Variants in DAB1 observed in about 807,000 individuals in gnomAD.
The protein encoded by DAB1 is DAB adaptor protein 1.
DAB1 carries 15 observed loss-of-function variants against 64.6 expected under a neutral mutation model. The ratio of observed to expected loss-of-function variants is 0.23; its 90% CI spans 0.16 to 0.36. The LOEUF is 0.36. Among genes scored for constraint, DAB1 ranks in the 10% least tolerant of loss-of-function variants. DAB1 has a pLI of 1.00. For synonymous variants in DAB1, 235 were observed against 251.9 expected (o/e 0.93, Z 0.64); for missense variants, 596 against 706.7 (o/e 0.84, Z 1.78).
At chr1:57,815,747 G>A (rs2144756) in intron 6 of DAB1, among the ~76,000 whole-genome samples, 2 of 151,638 alleles carry the variant, frequency 1.3e-5, no homozygotes, top group Non-Finnish European at 2.9e-5. Flanking sequence ...CTTATTGTCA[G>A]CATGCTACCT....
At chr1:58,257,005 A>G (rs1253705696) in intron 4 of DAB1, among the ~76,000 whole-genome samples, 1 of 152,200 alleles carries the variant, frequency 6.6e-6, no homozygotes, top group African/African-American at 2.4e-5. Flanking sequence ...AAGGGGATTT[A>G]TGTCTTGTTT....
chr1:57,479,099 A>C (rs944965983), intron 7 of DAB1, among the ~76,000 whole-genome samples: 7 of 152,268 alleles, frequency 4.6e-5, no homozygotes, highest in South Asian at 2.1e-4. Context: ...CAAAAAAAAA[A>C]CTTTTCTTTT....
chr1:57,442,905 C>T (rs1686007666), intron 7 of DAB1, among the ~76,000 whole-genome samples: 1 of 152,182 alleles, frequency 6.6e-6, no homozygotes, highest in African/African-American at 2.4e-5. Flanking sequence ...ATTCTGATAG[C>T]AGAAGGAAGG....
chr1:58,096,306 A>G (rs1327229729), intron 5 of DAB1, among the ~76,000 whole-genome samples: 1 of 152,168 alleles, frequency 6.6e-6, no homozygotes, highest in Non-Finnish European at 1.5e-5. Flanking sequence ...GATAATTTCT[A>G]ATGTGTTTCA....
At chr1:57,632,458 G>A in intron 7 of DAB1, among the ~76,000 whole-genome samples, 1 of 152,204 alleles carries the variant, frequency 6.6e-6, no homozygotes, top group East Asian at 1.9e-4. Context: ...TAGAAGCAGA[G>A]AGGAAAGTGG....
chr1:57,590,755 C>T (rs1645436652), intron 7 of DAB1, among the ~76,000 whole-genome samples: 1 of 151,132 alleles, frequency 6.6e-6, no homozygotes, highest in Admixed American at 6.6e-5. Flanking sequence ...CACACACACA[C>T]ACACACACAC....
chr1:58,352,445 T>C (rs957743050), intron 3 of DAB1, among the ~76,000 whole-genome samples: 1 of 152,198 alleles, frequency 6.6e-6, no homozygotes, highest in East Asian at 1.9e-4. Flanking sequence ...TCTAAGTACA[T>C]AGCCATCCGG....
chr1:57,883,857 A>G (rs1281438984), intron 1 of DAB1: 1 of 152,216 alleles, frequency 6.6e-6, no homozygotes, highest in East Asian at 1.9e-4. Context: ...TTGGGTTATT[A>G]ACTACAGAGA....
At chr1:58,343,691 T>C (rs1219294997) in intron 3 of DAB1, among the ~76,000 whole-genome samples, 2 of 152,240 alleles carry the variant, frequency 1.3e-5, no homozygotes, top group Non-Finnish European at 2.9e-5. Flanking sequence ...ACTTAACCTC[T>C]CTAATCTATT....
At position 57,026,161 on chromosome 1, in the gene DAB1, ACCGTAAT is replaced by A. The variant is rs1467784498; in HGVS notation, c.724-125_724-119del. ...TCTGTTTTTCATCATCTCTAGATAA[ACCGTAAT>A]CCTGATGGGTCATTACTATACCTCA... On this transcript the variant is annotated intron_variant, in intron 9 of 14. Transcript: ENST00000371236. 5.3e-5 allele frequency: 39 copies of A among 732,698 alleles called. 1 individual carries two copies. In the South Asian group the frequency reaches 6.0e-4, roughly 11 times the overall value. 45.4% of individuals were successfully genotyped at this position (732,698 alleles called of 1,614,324 possible).
At chr1:58,128,174 T>C (rs372984054) in intron 5 of DAB1, among the ~76,000 whole-genome samples, 25 of 152,214 alleles carry the variant, frequency 1.6e-4, no homozygotes, top group East Asian at 1.5e-3. Flanking sequence ...AGGTCCTTCA[T>C]ATCCCTTGTA....
chr1:57,501,003 T>C (rs188831224), intron 7 of DAB1, among the ~76,000 whole-genome samples: 14 of 152,360 alleles, frequency 9.2e-5, no homozygotes, highest in African/African-American at 2.6e-4. Context: ...TAAGGTAGAT[T>C]AACAGCTACA....
At chr1:57,766,176 C>G (rs953710391) in intron 6 of DAB1, among the ~76,000 whole-genome samples, 3 of 151,860 alleles carry the variant, frequency 2.0e-5, no homozygotes, top group Admixed American at 1.3e-4. Context: ...ACCATCATCT[C>G]TTGCCTAGAT....
chr1:57,138,979 G>C (rs758399286), intron 3 of DAB1, among the ~76,000 whole-genome samples: 6 of 152,158 alleles, frequency 3.9e-5, no homozygotes, highest in Non-Finnish European at 7.3e-5. Context: ...CAAAGAGAAG[G>C]AAAGTGACTT....
At chr1:57,013,629 T>C (rs567336194) in intron 12 of DAB1, among the ~76,000 whole-genome samples, 1 of 152,304 alleles carries the variant, frequency 6.6e-6, no homozygotes, top group South Asian at 2.1e-4. Context: ...GGGTGTTTTT[T>C]TTTGACAGTT....
At chr1:57,906,498 A>T (rs1644553410) in intron 5 of DAB1, among the ~76,000 whole-genome samples, 1 of 152,148 alleles carries the variant, frequency 6.6e-6, no homozygotes, top group South Asian at 2.1e-4. Flanking sequence ...GTGTGTGGTC[A>T]TGAGATACAA....
chr1:58,512,886 C>A (rs1279379286), intron 2 of DAB1, among the ~76,000 whole-genome samples: 1 of 152,010 alleles, frequency 6.6e-6, no homozygotes, highest in Non-Finnish European at 1.5e-5. Flanking sequence ...GAGGGTAGAT[C>A]TCATGTTAAA....
chr1:57,795,685 T>C (rs1463291403), intron 6 of DAB1, among the ~76,000 whole-genome samples: 1 of 69,016 alleles, frequency 1.4e-5, no homozygotes, highest in Admixed American at 2.0e-4. Flanking sequence ...TGAATTATGC[T>C]TGGAGATATA....
intron 6 of DAB1, among the ~76,000 whole-genome samples, chr1:57,744,411 A>G (rs962931322): frequency 6.6e-6 from 1 of 151,666 alleles, no homozygotes; most frequent in African/African-American, 2.4e-5. Context: ...GAGGGTCAAG[A>G]GAAACCATTT....
Sources: gnomAD v4.1 joint callset for allele counts (sites outside exome capture counted in the v4.1 genomes callset) on GRCh38, gnomAD v4.1.1 for gene constraint, MANE v1.5 for transcripts, NCBI Gene and HGNC (gene_info 2026-07-23, HGNC 2026-07-21) for gene names.